ZNF804B: variants seen among roughly 807,000 people sequenced by gnomAD.
The protein encoded by ZNF804B is zinc finger protein 804B.
In ZNF804B, 80 loss-of-function variants were observed where a neutral mutation model predicts 101.4. The observed-to-expected ratio is 0.79, with a 90% CI of 0.66 to 0.95. The LOEUF (loss-of-function observed/expected upper bound fraction) is 0.95, where lower values mean the gene tolerates loss of function less well. Ranked by LOEUF, ZNF804B falls within the 40% of genes least tolerant of loss-of-function variation. ZNF804B has a pLI of 0.00. For missense variants in ZNF804B, 1,673 were observed against 1,561.9 expected (o/e 1.07, Z -1.20); for synonymous variants, 622 against 558.8 (o/e 1.11, Z -1.59).
At chr7:88,869,748 T>C (rs1309552592) in intron 1 of ZNF804B, among the ~76,000 whole-genome samples, 1 of 152,096 alleles carries the variant, frequency 6.6e-6, no homozygotes, top group South Asian at 2.1e-4. Flanking sequence ...GTTGCATGTT[T>C]AATCCAAAGG....
At chr7:89,039,613 T>A (rs1183081800) in intron 1 of ZNF804B, among the ~76,000 whole-genome samples, 1 of 150,912 alleles carries the variant, frequency 6.6e-6, no homozygotes, top group Non-Finnish European at 1.5e-5. Context: ...TATAATCATC[T>A]AAAAACAGAA....
intron 2 of ZNF804B, among the ~76,000 whole-genome samples, chr7:89,323,517 A>G (rs1790850864): frequency 6.6e-6 from 1 of 152,186 alleles, no homozygotes. Flanking sequence ...TAATAATGTG[A>G]TCCTTTTAAT....
At position 89,336,450 on chromosome 7, in the gene ZNF804B, T is replaced by C. The variant is rs561620005; in HGVS notation, c.3468T>C (p.Asp1156=). ...TAACATTTTCTCCTGACGAAATAGA[T>C]AAATATAAGATCCTACAGCTACAAG... ...QPITFSPDEI[D]KYKILQLQAQ... The change falls in exon 4 of 4, where the codon GAT becomes GAC. Residue 1156 remains aspartate (D), a synonymous_variant. Transcript: ENST00000333190. 6.2e-6 allele frequency: 10 copies of C among 1,614,028 alleles called. No homozygotes were observed. The East Asian group carries it at 8.9e-5, about 14-fold the overall frequency.
intron 1 of ZNF804B, among the ~76,000 whole-genome samples, chr7:88,991,832 C>T (rs532393338): frequency 1.3e-5 from 2 of 152,262 alleles, no homozygotes; most frequent in African/African-American, 4.8e-5. Flanking sequence ...ATGAGGCTTA[C>T]ATATGATATA....
intron 1 of ZNF804B, among the ~76,000 whole-genome samples, chr7:89,104,355 A>G (rs577273685): frequency 5.9e-5 from 9 of 152,084 alleles, no homozygotes; most frequent in African/African-American, 1.9e-4. Flanking sequence ...CTGTGAATCT[A>G]TCTGGTCCTG....
At chr7:89,292,691 T>A (rs1369689272) in intron 2 of ZNF804B, among the ~76,000 whole-genome samples, 1 of 145,386 alleles carries the variant, frequency 6.9e-6, no homozygotes, top group African/African-American at 2.5e-5. Context: ...ATGGCACTAG[T>A]GAATCCTTAC....
chr7:88,769,408 G>C (rs1195265264), intron 1 of ZNF804B, among the ~76,000 whole-genome samples: 1 of 152,104 alleles, frequency 6.6e-6, no homozygotes, highest in Admixed American at 6.5e-5. Context: ...GTATAATTTA[G>C]TGTCACTTAT....
chr7:89,010,550 G>A (rs1788440251), intron 1 of ZNF804B, among the ~76,000 whole-genome samples: 1 of 152,092 alleles, frequency 6.6e-6, no homozygotes, highest in African/African-American at 2.4e-5. Flanking sequence ...CATACTAACT[G>A]GGTAACAACA....
chr7:88,968,910 T>C (rs900331765), intron 1 of ZNF804B, among the ~76,000 whole-genome samples: 3 of 151,610 alleles, frequency 2.0e-5, no homozygotes, highest in Non-Finnish European at 3.0e-5. Flanking sequence ...TCTACATATA[T>C]GTTTATTGTT....
At chr7:89,177,538 T>G (rs1375075939) in intron 1 of ZNF804B, among the ~76,000 whole-genome samples, 1 of 152,216 alleles carries the variant, frequency 6.6e-6, no homozygotes, top group Non-Finnish European at 1.5e-5. Context: ...ATATGTTATA[T>G]CCTTAAGAAT....
chr7:89,049,634 A>G (rs1363556526), intron 1 of ZNF804B, among the ~76,000 whole-genome samples: 4 of 152,008 alleles, frequency 2.6e-5, no homozygotes, highest in Non-Finnish European at 2.9e-5. Flanking sequence ...TTTACTATGA[A>G]GTTTCAAGTG....
At chr7:88,890,659 A>G (rs1366496417) in intron 1 of ZNF804B, among the ~76,000 whole-genome samples, 1 of 152,140 alleles carries the variant, frequency 6.6e-6, no homozygotes, top group Non-Finnish European at 1.5e-5. Context: ...AATTTTATTA[A>G]TGGAACCACG....
At chr7:89,282,832 A>G (rs1186047812) in intron 2 of ZNF804B, among the ~76,000 whole-genome samples, 1 of 152,196 alleles carries the variant, frequency 6.6e-6, no homozygotes, top group East Asian at 1.9e-4. Flanking sequence ...AGAACCTCTA[A>G]GAGGCAAGAC....
intron 1 of ZNF804B, among the ~76,000 whole-genome samples, chr7:88,787,804 A>G (rs1790324994): frequency 6.6e-6 from 1 of 152,126 alleles, no homozygotes; most frequent in African/African-American, 2.4e-5. Context: ...TCTTGATTAA[A>G]CCTTCTGCTA....
intron 1 of ZNF804B, among the ~76,000 whole-genome samples, chr7:88,953,006 T>C (rs1793247927): frequency 6.6e-6 from 1 of 151,712 alleles, no homozygotes; most frequent in Non-Finnish European, 1.5e-5. Context: ...AGCATTGGTA[T>C]AGGAATTCGA....
chr7:89,017,497 TG>T (rs1788587729), intron 1 of ZNF804B, among the ~76,000 whole-genome samples: 1 of 152,178 alleles, frequency 6.6e-6, no homozygotes, highest in South Asian at 2.1e-4. Context: ...TTTGGCTATT[TG>T]GGATTTTTAT....
intron 1 of ZNF804B, among the ~76,000 whole-genome samples, chr7:88,782,564 T>C (rs968805660): frequency 2.6e-5 from 4 of 152,206 alleles, no homozygotes; most frequent in Non-Finnish European, 5.9e-5. Flanking sequence ...ACAGGCATTT[T>C]ATTTCCATTA....
At chr7:88,833,138 C>T (rs1791157540) in intron 1 of ZNF804B, among the ~76,000 whole-genome samples, 1 of 147,968 alleles carries the variant, frequency 6.8e-6, no homozygotes, top group South Asian at 2.1e-4. Flanking sequence ...TTCAATATTT[C>T]CTTTCTGCTT....
chr7:89,315,741 AACACACACACACACAC>A (rs762492754), intron 2 of ZNF804B, among the ~76,000 whole-genome samples: 9 of 150,610 alleles, frequency 6.0e-5, no homozygotes, highest in Non-Finnish European at 1.0e-4. Context: ...CACACACACA[AACACACACACACACAC>A]AAGCTGATCA....
Sources: allele counts gnomAD v4.1 joint callset (sites outside exome capture counted in the v4.1 genomes callset), GRCh38; gene constraint gnomAD v4.1.1; transcripts MANE v1.5; gene names NCBI Gene and HGNC (gene_info 2026-07-23, HGNC 2026-07-21).